EEF1E1: variants seen among roughly 807,000 people sequenced by gnomAD.
EEF1E1 encodes eukaryotic translation elongation factor 1 epsilon 1.
In EEF1E1, 19 loss-of-function variants were observed where a neutral mutation model predicts 19.9. The ratio of observed to expected loss-of-function variants is 0.95; its 90% confidence interval spans 0.66 to 1.40. The LOEUF is 1.40. Ranked by LOEUF, EEF1E1 falls within the 40% of genes most tolerant of loss-of-function variation. EEF1E1 has a pLI of 0.00. For missense variants in EEF1E1, 198 were observed against 202.2 expected (o/e 0.98, Z 0.13); for synonymous variants, 81 against 80.0 (o/e 1.01, Z -0.07).
At chr6:8,101,279 T>A (rs1758355408) in intron 1 of EEF1E1, among the ~76,000 whole-genome samples, 1 of 112,388 alleles carries the variant, frequency 8.9e-6, no homozygotes, top group African/African-American at 3.5e-5. Flanking sequence ...TATATATATA[T>A]ATATGGCACT....
chr6:8,076,335 T>A (rs984334165), downstream of EEF1E1, among the ~76,000 whole-genome samples: 1 of 152,132 alleles, frequency 6.6e-6, no homozygotes, highest in Non-Finnish European at 1.5e-5. Context: ...TCTCAATTTC[T>A]TTCTTTGAGA....
intron 1 of EEF1E1, among the ~76,000 whole-genome samples, chr6:8,099,190 T>C (rs922292070): frequency 2.0e-5 from 3 of 152,246 alleles, no homozygotes; most frequent in Non-Finnish European, 4.4e-5. Flanking sequence ...GCATATGCAA[T>C]AGCGTGCAAT....
chr6:8,094,346 C>T (rs1225405928), intron 2 of EEF1E1, among the ~76,000 whole-genome samples: 2 of 151,780 alleles, frequency 1.3e-5, no homozygotes, highest in Non-Finnish European at 2.9e-5. Flanking sequence ...CCTGTAATCC[C>T]AACACTTCAG....
chr6:8,092,868 G>GTTTTTT (rs1554099258), intron 2 of EEF1E1, among the ~76,000 whole-genome samples: 3,456 of 107,840 alleles, frequency 0.032, 241 homozygotes, highest in Non-Finnish European at 0.044. Context: ...GATAAAGACT[G>GTTTTTT]CTTTTTTTTT....
At chr6:8,077,827 T>A (rs1397928189), downstream of EEF1E1, among the ~76,000 whole-genome samples, 3 of 152,196 alleles carry the variant, frequency 2.0e-5, no homozygotes, top group Non-Finnish European at 4.4e-5. Flanking sequence ...GGGCTCACTC[T>A]GTTGCCCAGG....
chr6:8,095,385 C>A (rs763045713), intron 2 of EEF1E1: 6 of 416,478 alleles, frequency 1.4e-5, no homozygotes, highest in Admixed American at 2.6e-5. Context: ...CACCTGTAAT[C>A]CCATTTACTC....
At chr6:8,102,382 G>C in intron 1 of EEF1E1, 53 bp downstream of exon 1, 25 of 1,557,920 alleles carry the variant, frequency 1.6e-5, no homozygotes, top group Non-Finnish European at 2.2e-5. Context: ...CCAGGGCTCG[G>C]CAGGCCCCGC....
intron 2 of EEF1E1, among the ~76,000 whole-genome samples, chr6:8,091,990 G>A (rs1416162809): frequency 1.3e-5 from 2 of 152,210 alleles, no homozygotes; most frequent in African/African-American, 4.8e-5. Flanking sequence ...AGTCTAAGAT[G>A]AAGGTGATGG....
intron 3 of EEF1E1, 44 bp from the exon 4 acceptor site, chr6:8,080,074 A>T: frequency 1.3e-6 from 2 of 1,596,064 alleles, no homozygotes; most frequent in Non-Finnish European, 8.6e-7. Context: ...CAGATGTTAC[A>T]TAAGCACAAC....
At chr6:8,073,584 C>T in intron 3 of EEF1E1, 1 of 1,517,712 alleles carries the variant, frequency 6.6e-7, no homozygotes, top group Non-Finnish European at 8.9e-7. Context: ...ACTAAATGCT[C>T]AATAAATGTT....
rs540601863 is a variant in EEF1E1, at chr6:8,073,613, TA to T, written c.385-104del. The T allele has an allele frequency of 1.6e-4, 233 of 1,437,548 alleles. No homozygotes were observed. The African/African-American group carries it at 3.4e-3, about 21-fold the overall frequency. 89.0% of individuals were successfully genotyped at this position (1,437,548 alleles called of 1,614,324 possible). A position where few individuals can be genotyped will look rare whatever the true frequency, so the allele number is the denominator to read the frequency against. On this transcript the variant is annotated intron_variant, in intron 3 of 3. Transcript: ENST00000429723. ...AAATGTTATCTATTATTGTTGTTAT[TA>T]AAAGTTTTAACAGATATTTTAAAAA...
chr6:8,090,299 C>A lies in EEF1E1; in HGVS notation c.289-18G>T, dbSNP rs1554143246. ...TTAAGATCCTAGAAAAAAGAAAAAA[C>A]AAATAAATATTAATGTAAAAAACAG... On this transcript the variant is annotated intron_variant, in intron 2 of 3. Transcript: ENST00000379715. The A allele has an allele frequency of 2.1e-6, 3 of 1,427,142 alleles. No individual in the cohort carries two copies. The highest frequency in any genetic ancestry group is 2.0e-4 in the Middle Eastern group (1 of 4,890). 88.4% of individuals were successfully genotyped at this position (1,427,142 alleles called of 1,614,324 possible). A position where few individuals can be genotyped will look rare whatever the true frequency, so the allele number is the denominator to read the frequency against.
In EEF1E1 at chr6:8,096,234, C is replaced by T. The variant is rs144090983; in HGVS notation, c.288+1033G>A. Among the ~76,000 whole-genome samples the T allele has an allele frequency of 1.3e-5, 2 of 152,286 alleles. 1 individual carries two copies. The highest frequency in any genetic ancestry group is 4.1e-4 in the South Asian group (2 of 4,826). ...CAAGTACTTCATTACTATCCTTTCC[C>T]TTGGAAAACTGTAAAAGATGGTTGT... On this transcript the variant is annotated intron_variant, in intron 2 of 3. Coordinates refer to ENST00000379715, the MANE Select transcript of EEF1E1 (RefSeq NM_004280.5).
intron 1 of EEF1E1, 134 bp downstream of exon 1, chr6:8,102,301 G>A: frequency 4.9e-6 from 5 of 1,016,378 alleles, no homozygotes; most frequent in Non-Finnish European, 6.9e-6. Flanking sequence ...CCGGCTAGCG[G>A]CGCAGACACG....
At position 8,080,577 on chromosome 6, in the gene EEF1E1, C is replaced by T. The variant is rs150503791; in HGVS notation, c.385-547G>A. On this transcript the variant is annotated intron_variant, in intron 3 of 3. Coordinates refer to ENST00000379715, the MANE Select transcript of EEF1E1 (RefSeq NM_004280.5). The stretch of plus-strand genomic sequence containing the variant: ...TGAATGGAGCAGTTCACCCAATTTG[C>T]TATCAAGCTACAAGAATGCTCAGAG... 4.0e-3 allele frequency among the ~76,000 whole-genome samples: 605 copies of T among 152,294 alleles called. 6 individuals are homozygous for T. Among genetic ancestry groups the T allele is most frequent in the African/African-American group, 0.014 (564 of 41,550 alleles).
intron 2 of EEF1E1, among the ~76,000 whole-genome samples, 198 bp downstream of exon 2, chr6:8,097,069 G>T (rs1581474462): frequency 6.6e-6 from 1 of 152,230 alleles, no homozygotes; most frequent in South Asian, 2.1e-4. Flanking sequence ...AGTCAAGGAA[G>T]TTTCCAAGGC....
intron 1 of EEF1E1, among the ~76,000 whole-genome samples, chr6:8,101,347 C>G (rs749335859): frequency 4.0e-4 from 51 of 128,882 alleles, no homozygotes; most frequent in Non-Finnish European, 7.0e-4. Context: ...TATATTTATA[C>G]TACATATATA....
chr6:8,096,192 T>C (rs1195780994), intron 2 of EEF1E1, among the ~76,000 whole-genome samples: 1 of 152,248 alleles, frequency 6.6e-6, no homozygotes. Context: ...TGAAATTCTG[T>C]TCCTATCTTT....
At chr6:8,100,959 T>A (rs1022844673) in intron 1 of EEF1E1, among the ~76,000 whole-genome samples, 2 of 148,200 alleles carry the variant, frequency 1.3e-5, no homozygotes, top group Non-Finnish European at 3.0e-5. Context: ...GGCACAGTGG[T>A]TCACGCCTGT....
Sources: gnomAD v4.1 joint callset for allele counts (sites outside exome capture counted in the v4.1 genomes callset) on GRCh38, gnomAD v4.1.1 for gene constraint, MANE v1.5 for transcripts, NCBI Gene and HGNC (gene_info 2026-07-23, HGNC 2026-07-21) for gene names.